EIF3G: variants seen among roughly 807,000 people sequenced by gnomAD.
EIF3G encodes eukaryotic translation initiation factor 3 subunit G.
Under a neutral mutation model 41.7 loss-of-function variants are expected in EIF3G, and 10 were observed. The observed-to-expected ratio is 0.24, with a 90% confidence interval of 0.15 to 0.41. EIF3G has a LOEUF of 0.41. Among genes scored for constraint, EIF3G ranks in the 10% least tolerant of loss-of-function variants. The pLI, the probability that EIF3G is intolerant of heterozygous loss-of-function variation, is 1.00. For synonymous variants in EIF3G, 204 were observed against 172.5 expected (o/e 1.18, Z -1.43); for missense variants, 297 against 444.0 (o/e 0.67, Z 2.98).
At chr19:10,115,234 T>C in intron 10 of EIF3G, 105 bp from the exon 11 acceptor site, 1 of 1,449,794 alleles carries the variant, frequency 6.9e-7, no homozygotes, top group Non-Finnish European at 9.4e-7. Context: ...CGGGGTAATG[T>C]GAGGACGAAG....
rs1005735303 is a variant in EIF3G at position 10,116,135 on chromosome 19, G to A, written c.596-61C>T. 14 of 1,505,590 alleles carry A rather than the reference G, an allele frequency of 9.3e-6. No homozygotes were observed. In the East Asian group the frequency reaches 9.4e-5, roughly 10 times the overall value. The allele number at this position is 1,505,590 out of a possible 1,614,324, so 93.3% of individuals were successfully genotyped here. A position where few individuals can be genotyped will look rare whatever the true frequency, so the allele number is the denominator to read the frequency against. The stretch of plus-strand genomic sequence containing the variant: ...GTGGCGCAGGCGTGGGGACAGAGCC[G>A]CCCCAGGAAGCTCGGGCTTCAGTGT... On this transcript the variant is annotated intron_variant, in intron 7 of 10. Transcript: ENST00000253108. This position sits in a 1 kb window ranked among gnomAD's most constrained non-coding sequence, Gnocchi z 4.1.
At chr19:10,118,559 T>A (rs1465789318) in intron 5 of EIF3G, 109 bp downstream of exon 5, 2 of 1,211,212 alleles carry the variant, frequency 1.7e-6, no homozygotes, top group Non-Finnish European at 1.2e-6. Context: ...AGCAACACTC[T>A]GTCTCAAAAA....
At chr19:10,118,785 ACCT>A in intron 4 of EIF3G, 58 bp from the exon 5 acceptor site, 1 of 1,608,936 alleles carries the variant, frequency 6.2e-7, no homozygotes, top group Non-Finnish European at 8.5e-7. Context: ...TCCTTTATCA[ACCT>A]CCTCAACACA....
intron 5 of EIF3G, 48 bp from the exon 6 acceptor site, chr19:10,117,236 G>A (rs1208769769): frequency 1.4e-6 from 2 of 1,467,070 alleles, no homozygotes; most frequent in African/African-American, 1.4e-5. Context: ...GGGCAGGCTG[G>A]GTTCCACAGT....
rs200786997 is a variant in EIF3G, at chr19:10,115,597, C to T, written c.841-12G>A. The T allele has an allele frequency of 3.0e-5, 48 of 1,597,954 alleles. No individual in the cohort carries two copies. In the East Asian group the frequency reaches 6.5e-4, roughly 22 times the overall value. On this transcript the variant is annotated splice_polypyrimidine_tract_variant and intron_variant, in intron 9 of 10. Transcript: ENST00000253108. ...ATGAAGGCAAAGCCCTGTGGAGGGGCGGGATGGGGTCGGGCACGAGCTAGG... is the reference window on the plus strand; with the variant it reads ...ATGAAGGCAAAGCCCTGTGGAGGGGTGGGATGGGGTCGGGCACGAGCTAGG...
chr19:10,119,547 G>A, intron 2 of EIF3G, 107 bp downstream of exon 2: 2 of 1,392,152 alleles, frequency 1.4e-6, no homozygotes, highest in Non-Finnish European at 2.0e-6. Flanking sequence ...GCGGGGCAGG[G>A]GCAGACCGTG....
intron 10 of EIF3G, 27 bp from the exon 11 acceptor site, chr19:10,115,156 A>G (rs2145224867): frequency 6.2e-7 from 1 of 1,613,214 alleles, no homozygotes; most frequent in Non-Finnish European, 8.5e-7. Context: ...TGGCAGGTAT[A>G]AGACTTCTGG....
rs2089229204 is a variant in EIF3G, at chr19:10,115,577, G to A, written c.849C>T (p.Ala283=). The A allele has an allele frequency of 1.2e-6, 2 of 1,613,428 alleles. No homozygotes were observed. Among genetic ancestry groups the A allele is most frequent in the Admixed American group, 3.3e-5 (2 of 59,982 alleles). ...DKTTGQSKGF[A]FISFHRREDA... ...CCTCGCGGCGGTGGAAGCTGATGAA[G>A]GCAAAGCCCTGTGGAGGGGCGGGAT... Residue 283 remains alanine (A), a synonymous_variant, in exon 10 of 11, where the codon GCC becomes GCT. Transcript: ENST00000253108.
chr19:10,119,679 G>A lies in EIF3G; in HGVS notation c.42C>T (p.Asp14=). 6.3e-7 allele frequency: 1 copy of A among 1,590,454 alleles called. No homozygotes were observed. The highest frequency in any genetic ancestry group is 1.1e-5 in the South Asian group (1 of 88,052). ...CGTCCTCCCCCTCCTCCTCCACCTG[G>A]TCGGCCCAACTGGGCTTCGAACTGC... The part of the protein sequence containing the change: ...GDFDSKPSWA[D]QVEEEGEDDK... Residue 14 remains aspartate, a synonymous_variant, in exon 2 of 11, where the codon GAC becomes GAT. Coordinates refer to ENST00000253108, the MANE Select transcript of EIF3G (RefSeq NM_003755.5).
chr19:10,115,448 A>T (rs200086408), intron 10 of EIF3G, 31 bp downstream of exon 10: 1 of 1,582,424 alleles, frequency 6.3e-7, no homozygotes, highest in African/African-American at 1.3e-5. Context: ...CAAGGCAGGG[A>T]GCAGGGGCTG....
chr19:10,116,766 G>T lies in EIF3G; in HGVS notation c.595+34C>A. 5.9e-6 allele frequency: 9 copies of T among 1,536,966 alleles called. No homozygotes were observed. Among genetic ancestry groups the T allele is most frequent in the Non-Finnish European group, 7.9e-6 (9 of 1,140,526 alleles). On this transcript the variant is annotated intron_variant, in intron 7 of 10. Transcript: ENST00000253108. The surrounding 1 kb of genome is among the most constrained non-coding windows in gnomAD (Gnocchi z 4.1). Reference sequence around the variant, plus strand: ...GAAGGCAGCAGTGGGGACAGAACCCGTGCACTGACAGCAGGACCCTCCCAC... The same window carrying T: ...GAAGGCAGCAGTGGGGACAGAACCCTTGCACTGACAGCAGGACCCTCCCAC...
rs746664456 is a variant in EIF3G, at chr19:10,115,476, T to C, written c.947+3A>G. 9.3e-6 allele frequency: 15 copies of C among 1,605,752 alleles called. No individual in the cohort carries two copies. The East Asian group carries it at 3.1e-4, about 33-fold the overall frequency. On this transcript the variant is annotated splice_donor_region_variant and intron_variant, in intron 10 of 10. Transcript: ENST00000253108. ...AGGGGCTGGGGCAGGGATGGAGTCT[T>C]ACTTGGCCCACTCGACGTTGAGGAT...
Position 10,115,025 on chromosome 19 carries a change from G to T in EIF3G, c.*89C>A. 1 of 1,576,756 alleles carries T rather than the reference G, an allele frequency of 6.3e-7. No homozygotes were observed. The highest frequency in any genetic ancestry group is 1.1e-5 in the South Asian group (1 of 88,422). On this transcript the variant is annotated 3_prime_UTR_variant, in exon 11 of 11. Transcript: ENST00000253108. ...CAAAAAGAACCAAGTAGAGAGAGTG[G>T]AGCTGCTTTATTGCCCTTGGAGCCC...
chr19:10,116,551 G>A lies in EIF3G; in HGVS notation c.595+249C>T. 5.7e-6 allele frequency: 3 copies of A among 524,642 alleles called. No homozygotes were observed. The highest frequency in any genetic ancestry group is 3.0e-5 in the East Asian group (1 of 33,354). 32.5% of individuals were successfully genotyped at this position (524,642 alleles called of 1,614,324 possible). On this transcript the variant is annotated intron_variant, in intron 7 of 10. Coordinates refer to ENST00000253108, the MANE Select transcript of EIF3G (RefSeq NM_003755.5). The surrounding 1 kb of genome is among the most constrained non-coding windows in gnomAD (Gnocchi z 4.1). ...GATGTGGGGTGGTCAGCACCCTGGG[G>A]CCGACAGACAGCAGCTCATCAGGAC...
chr19:10,119,819 T>C, intron 1 of EIF3G, 21 bp downstream of exon 1: 1 of 1,614,184 alleles, frequency 6.2e-7, no homozygotes, highest in East Asian at 2.2e-5. Context: ...CCCGTGCCCC[T>C]TTCCGCGATC....
chr19:10,115,361 C>T (rs1470274162), intron 10 of EIF3G, 118 bp downstream of exon 10: 15 of 1,256,300 alleles, frequency 1.2e-5, no homozygotes, highest in East Asian at 9.6e-5. Flanking sequence ...AAGGACTGTC[C>T]CCTCAAAACC....
intron 2 of EIF3G, 22 bp from the exon 3 acceptor site, chr19:10,119,193 G>A (rs1252652513): frequency 3.2e-6 from 5 of 1,559,780 alleles, no homozygotes; most frequent in South Asian, 1.2e-5. Context: ...AGCGTAGGAA[G>A]GAGGAGTCAG....
In EIF3G at chr19:10,116,737, G is replaced by C; in HGVS notation, c.595+63C>G. The C allele has an allele frequency of 6.8e-7, 1 of 1,475,590 alleles. No individual in the cohort carries two copies. The highest frequency in any genetic ancestry group is 9.1e-7 in the Non-Finnish European group (1 of 1,100,280). The allele number at this position is 1,475,590 out of a possible 1,614,324, so 91.4% of individuals were successfully genotyped here. Reference sequence around the variant, plus strand: ...CTGCACTGTCGTGCGGGAGATGACAGCACGAAGGCAGCAGTGGGGACAGAA... The same window carrying C: ...CTGCACTGTCGTGCGGGAGATGACACCACGAAGGCAGCAGTGGGGACAGAA... On this transcript the variant is annotated intron_variant, in intron 7 of 10. Transcript: ENST00000253108. The surrounding 1 kb of genome is among the most constrained non-coding windows in gnomAD (Gnocchi z 4.1).
Position 10,118,856 on chromosome 19 carries a change from C to A in EIF3G, c.240+12G>T, listed in dbSNP as rs2089281286. ...CACAAGGGTCCCCACTCCCTGCACC[C>A]CCCACCCTCACCTTGAACTTCTTGC... is the stretch of plus-strand genomic sequence containing the variant. On this transcript the variant is annotated intron_variant, in intron 4 of 10. Transcript: ENST00000253108. 5 of 1,613,672 alleles carry A rather than the reference C, an allele frequency of 3.1e-6. No homozygotes were observed. Among genetic ancestry groups the A allele is most frequent in the Non-Finnish European group, 4.2e-6 (5 of 1,179,768 alleles).
Sources: allele counts gnomAD v4.1 joint callset, GRCh38; gene constraint gnomAD v4.1.1; non-coding constraint Gnocchi (gnomAD v3.1); transcripts MANE v1.5; gene names NCBI Gene and HGNC (gene_info 2026-07-23, HGNC 2026-07-21).